The following NWD2 variants were observed in gnomAD, a reference collection of about 807,000 sequenced individuals.
NWD2 encodes NACHT and WD repeat domain containing 2, also known as NACHT and WD repeat domain-containing protein 2.
A neutral mutation model predicts 132.7 loss-of-function variants in NWD2; 37 were observed. The observed-to-expected ratio is 0.28, with a 90% CI of 0.21 to 0.37. The LOEUF (loss-of-function observed/expected upper bound fraction) is 0.37, where lower values mean the gene tolerates loss of function less well. Among genes scored for constraint, NWD2 ranks in the 10% least tolerant of loss-of-function variants. The pLI, the probability that NWD2 is intolerant of heterozygous loss-of-function variation, is 1.00. For synonymous variants in NWD2, 705 were observed against 803.0 expected (o/e 0.88, Z 2.06); for missense variants, 1,592 against 2,122.4 (o/e 0.75, Z 4.91).
chr4:37,363,427 C>T (rs1383293803), intron 3 of NWD2, among the ~76,000 whole-genome samples: 1 of 152,144 alleles, frequency 6.6e-6, no homozygotes, highest in African/African-American at 2.4e-5. Flanking sequence ...AAATATGGTA[C>T]ATAAACACCA....
intron 3 of NWD2, among the ~76,000 whole-genome samples, chr4:37,387,733 G>T (rs1361907440): frequency 1.4e-5 from 2 of 140,520 alleles, no homozygotes; most frequent in Non-Finnish European, 1.5e-5. Context: ...GGAGTGCAAT[G>T]GCGCGATCTT....
intron 2 of NWD2, among the ~76,000 whole-genome samples, chr4:37,333,204 A>G (rs992215324): frequency 6.6e-6 from 1 of 152,166 alleles, no homozygotes; most frequent in Non-Finnish European, 1.5e-5. Flanking sequence ...GGCTGGCATC[A>G]CCACCTGCTG....
chr4:37,379,665 G>A (rs1401856478), intron 3 of NWD2, among the ~76,000 whole-genome samples: 1 of 152,134 alleles, frequency 6.6e-6, no homozygotes, highest in Non-Finnish European at 1.5e-5. Flanking sequence ...CCAACCCGAG[G>A]CCTCCTGACT....
Position 37,389,135 on chromosome 4 carries a change from C to A in NWD2, c.357+32653C>A, listed in dbSNP as rs147980787. 3.8e-3 allele frequency among the ~76,000 whole-genome samples: 580 copies of A among 152,272 alleles called. 1 individual carries two copies. Among genetic ancestry groups the A allele is most frequent in the African/African-American group, 0.013 (551 of 41,556 alleles). Reference sequence around the variant, plus strand: ...GGGAGGAATGAAGCAAAGGAGTTAGCAATGCAAAAGCCCTGCCATGTGCTA... The same window carrying A: ...GGGAGGAATGAAGCAAAGGAGTTAGAAATGCAAAAGCCCTGCCATGTGCTA... On this transcript the variant is annotated intron_variant, in intron 3 of 6. Transcript: ENST00000309447.
intron 1 of NWD2, among the ~76,000 whole-genome samples, chr4:37,303,999 T>C (rs1389280328): frequency 1.3e-5 from 2 of 152,180 alleles, no homozygotes; most frequent in African/African-American, 4.8e-5. Context: ...AAAGTAGGCA[T>C]CTGTATTAGT....
In NWD2 at chr4:37,244,928, G is replaced by C. The variant is rs1717197509; in HGVS notation, c.-140G>C. The C allele has an allele frequency of 2.7e-6, 3 of 1,123,888 alleles. No homozygotes were observed. Among genetic ancestry groups the C allele is most frequent in the Admixed American group, 5.5e-5 (2 of 36,454 alleles). The allele number at this position is 1,123,888 out of a possible 1,614,324, so 69.6% of individuals were successfully genotyped here. ...CTGTGCGCCACGGAGCTCGCCAAAG[G>C]CGCTTCGGGCTCGGAGCGGCTCTGA... On this transcript the variant is annotated 5_prime_UTR_variant, in exon 1 of 7. Transcript: ENST00000309447. The surrounding 1 kb of genome is among the most constrained non-coding windows in gnomAD (Gnocchi z 5.5).
At chr4:37,413,535 A>T (rs1208888112) in intron 3 of NWD2, among the ~76,000 whole-genome samples, 1 of 152,252 alleles carries the variant, frequency 6.6e-6, no homozygotes, top group African/African-American at 2.4e-5. Context: ...AGTGTAAATT[A>T]GTTCAATCAT....
intron 4 of NWD2, among the ~76,000 whole-genome samples, chr4:37,431,140 C>T (rs1251124022): frequency 6.6e-6 from 1 of 152,176 alleles, no homozygotes; most frequent in Non-Finnish European, 1.5e-5. Flanking sequence ...GAACTACCCA[C>T]TTCTGGGTAT....
chr4:37,447,175 G>A lies in NWD2; in HGVS notation c.5187G>A (p.Ser1729=), dbSNP rs1056398963. 17 of 1,551,064 alleles carry A rather than the reference G, an allele frequency of 1.1e-5. No individual in the cohort carries two copies. The highest frequency in any genetic ancestry group is 4.9e-5 in the East Asian group (2 of 40,938). ...KHNSCYERVC[S]ALEARGHSYA... is the part of the protein sequence containing the mutation. ...ACTCTTGTTATGAGCGGGTATGCTC[G>A]GCCCTAGAAGCCAGGGGCCACAGCT... The change falls in exon 7 of 7, where the codon TCG becomes TCA. Residue 1729 remains serine, a synonymous_variant. Transcript: ENST00000309447.
intron 1 of NWD2, among the ~76,000 whole-genome samples, chr4:37,266,218 CAG>C (rs2109261184): frequency 1.3e-5 from 2 of 152,194 alleles, no homozygotes; most frequent in South Asian, 4.1e-4. Flanking sequence ...TTGCAGGTGA[CAG>C]AAGCCCAACA....
intron 1 of NWD2, among the ~76,000 whole-genome samples, chr4:37,263,279 T>A (rs1389666444): frequency 6.6e-6 from 1 of 152,162 alleles, no homozygotes; most frequent in Non-Finnish European, 1.5e-5. Flanking sequence ...TCAAGAATCA[T>A]ACTGACTATT....
intron 1 of NWD2, among the ~76,000 whole-genome samples, chr4:37,310,104 T>C (rs1314407987): frequency 6.6e-6 from 1 of 152,192 alleles, no homozygotes; most frequent in Non-Finnish European, 1.5e-5. Flanking sequence ...GGCCCTATAC[T>C]TTGTCTCCAA....
intron 1 of NWD2, among the ~76,000 whole-genome samples, chr4:37,270,747 G>C (rs745868166): frequency 4.0e-5 from 6 of 151,624 alleles, no homozygotes; most frequent in Non-Finnish European, 8.9e-5. Context: ...TGTCTTTTTT[G>C]AGAAGTGGTT....
In NWD2 at chr4:37,292,566, A is replaced by G. The variant is rs142539622; in HGVS notation, c.152-33370A>G. Among the ~76,000 whole-genome samples the G allele has an allele frequency of 3.1e-3, 469 of 152,298 alleles. 8 individuals carry two copies. The highest frequency in any genetic ancestry group is 0.011 in the African/African-American group (445 of 41,548). On this transcript the variant is annotated intron_variant, in intron 1 of 6. Transcript: ENST00000309447. ...GTGTTATAGCGGCCTGAATGGGCTAAGAACTTTACCCAGCTCACCTCCTGC... is the reference window on the plus strand; with the variant it reads ...GTGTTATAGCGGCCTGAATGGGCTAGGAACTTTACCCAGCTCACCTCCTGC...
chr4:37,352,219 G>A (rs1338263365), intron 2 of NWD2, among the ~76,000 whole-genome samples: 1 of 152,090 alleles, frequency 6.6e-6, no homozygotes, highest in African/African-American at 2.4e-5. Flanking sequence ...CTGAGTTCAA[G>A]TCCTGAATAT....
At chr4:37,361,030 C>T (rs747426933) in intron 3 of NWD2, among the ~76,000 whole-genome samples, 1 of 152,066 alleles carries the variant, frequency 6.6e-6, no homozygotes, top group Non-Finnish European at 1.5e-5. Flanking sequence ...TACAAAAGAT[C>T]CTCAGGGACT....
chr4:37,273,062 T>C (rs1290275314), intron 1 of NWD2, among the ~76,000 whole-genome samples: 1 of 151,876 alleles, frequency 6.6e-6, no homozygotes, highest in African/African-American at 2.4e-5. Context: ...AAGGCCTCTC[T>C]GTAGTGTTTG....
intron 1 of NWD2, among the ~76,000 whole-genome samples, chr4:37,269,026 C>CTAAGTTT (rs766746804): frequency 1.3e-5 from 2 of 151,874 alleles, no homozygotes; most frequent in Non-Finnish European, 2.9e-5. Flanking sequence ...CTTCAGATTT[C>CTAAGTTT]CCACAGCAGT....
intron 1 of NWD2, among the ~76,000 whole-genome samples, chr4:37,265,118 G>A (rs1261613325): frequency 2.6e-5 from 4 of 152,034 alleles, no homozygotes; most frequent in Admixed American, 1.3e-4. Flanking sequence ...AGCGCGGGAG[G>A]TGAAAGAAAA....
Sources: allele counts gnomAD v4.1 joint callset (sites outside exome capture counted in the v4.1 genomes callset), GRCh38; gene constraint gnomAD v4.1.1; non-coding constraint Gnocchi (gnomAD v3.1); transcripts MANE v1.5; gene names NCBI Gene and HGNC (gene_info 2026-07-23, HGNC 2026-07-21).